Variants in MCPH1 observed in about 807,000 individuals in gnomAD.
MCPH1 encodes the protein microcephalin 1.
MCPH1 carries 104 observed loss-of-function variants against 84.5 expected under a neutral mutation model. The ratio of observed to expected loss-of-function variants is 1.23; its 90% confidence interval spans 1.05 to 1.45. The LOEUF (loss-of-function observed/expected upper bound fraction) is 1.45, where lower values mean the gene tolerates loss of function less well. Ranked by LOEUF, MCPH1 falls within the 40% of genes most tolerant of loss-of-function variation. The probability of loss-of-function intolerance (pLI) is 0.00; values close to 1 mark genes in which losing one functional copy is unlikely to be tolerated. For missense variants in MCPH1, 1,498 were observed against 1,005.7 expected (o/e 1.49, Z -6.62); for synonymous variants, 514 against 366.8 (o/e 1.40, Z -4.58).
At chr8:6,406,737 G>C (rs952095926) in intron 1 of MCPH1, 48 bp downstream of exon 1, 1 of 1,603,376 alleles carries the variant, frequency 6.2e-7, no homozygotes, top group Non-Finnish European at 8.5e-7. Flanking sequence ...TTTGAGGACC[G>C]GCACCCCTCG....
rs770040130 is a variant in MCPH1, at chr8:6,431,602, C to G, written c.321+16C>G. ...TAAAAAAAAAGTAAGTACATGATTT[C>G]AATGTAGATAATGGCAATTAGGAAT... On this transcript the variant is annotated intron_variant, in intron 4 of 13. Coordinates refer to ENST00000344683, the MANE Select transcript of MCPH1 (RefSeq NM_024596.5). 2 of 1,500,398 alleles carry G rather than the reference C, an allele frequency of 1.3e-6. No individual in the cohort carries two copies. Among genetic ancestry groups the G allele is most frequent in the Non-Finnish European group, 9.2e-7 (1 of 1,081,916 alleles). The allele number at this position is 1,500,398 out of a possible 1,614,324, so 92.9% of individuals were successfully genotyped here.
At chr8:6,416,057 G>A (rs1799243626) in intron 3 of MCPH1, among the ~76,000 whole-genome samples, 1 of 152,082 alleles carries the variant, frequency 6.6e-6, no homozygotes, top group African/African-American at 2.4e-5. Context: ...ATTTTCATGT[G>A]AATGAAATTG....
intron 12 of MCPH1, among the ~76,000 whole-genome samples, chr8:6,596,313 C>A (rs1283654244): frequency 2.0e-5 from 3 of 152,180 alleles, no homozygotes; most frequent in East Asian, 3.9e-4. Context: ...CTCTGGCGTT[C>A]TTCTTAGACT....
At chr8:6,499,738 A>G in intron 11 of MCPH1, 114 bp from the exon 12 acceptor site, 2 of 844,112 alleles carry the variant, frequency 2.4e-6, no homozygotes, top group South Asian at 2.7e-5. Flanking sequence ...GAACACATCT[A>G]TTTCAGATCT....
At chr8:6,534,558 C>G (rs1336618753) in intron 12 of MCPH1, among the ~76,000 whole-genome samples, 3 of 152,170 alleles carry the variant, frequency 2.0e-5, no homozygotes, top group African/African-American at 7.2e-5. Context: ...CGTGAGCCAG[C>G]ACATCTGGCT....
intron 11 of MCPH1, among the ~76,000 whole-genome samples, chr8:6,497,309 C>A (rs1211325058): frequency 2.7e-5 from 4 of 146,794 alleles, no homozygotes; most frequent in African/African-American, 1.0e-4. Context: ...TGTGAAACCC[C>A]ATTCTCTACC....
intron 12 of MCPH1, chr8:6,519,778 GGA>G: frequency 6.7e-7 from 1 of 1,502,878 alleles, no homozygotes. Flanking sequence ...AGATCTTTGG[GGA>G]GAGACTTCTG....
intron 12 of MCPH1, among the ~76,000 whole-genome samples, chr8:6,568,648 A>C (rs1826414906): frequency 6.6e-6 from 1 of 152,194 alleles, no homozygotes. Flanking sequence ...TGAAAAACAC[A>C]TGGAAAGGGC....
At chr8:6,587,856 C>G (rs1296368205) in intron 12 of MCPH1, among the ~76,000 whole-genome samples, 1 of 152,212 alleles carries the variant, frequency 6.6e-6, no homozygotes, top group Non-Finnish European at 1.5e-5. Flanking sequence ...TACTTCCCCT[C>G]CTGACTCTAT....
At chr8:6,500,229 A>G in intron 12 of MCPH1, 1 of 386,402 alleles carries the variant, frequency 2.6e-6, no homozygotes, top group Non-Finnish European at 4.9e-6. Context: ...AGGTAGTCTT[A>G]TATCTTGCTT....
intron 3 of MCPH1, among the ~76,000 whole-genome samples, chr8:6,430,215 T>C (rs1801638151): frequency 6.6e-6 from 1 of 152,232 alleles, no homozygotes; most frequent in South Asian, 2.1e-4. Flanking sequence ...TTACAATTAC[T>C]GCACTGTGTT....
At chr8:6,610,089 T>C (rs533154885) in intron 12 of MCPH1, among the ~76,000 whole-genome samples, 69 of 152,318 alleles carry the variant, frequency 4.5e-4, no homozygotes, top group African/African-American at 1.6e-3. Flanking sequence ...ACCCTCTAAG[T>C]CATGTTCGCT....
intron 12 of MCPH1, among the ~76,000 whole-genome samples, chr8:6,606,869 C>G (rs1012817648): frequency 4.6e-5 from 7 of 152,202 alleles, no homozygotes; most frequent in African/African-American, 1.7e-4. Flanking sequence ...CCTGCACAAG[C>G]TCTCTTCTCT....
chr8:6,568,931 TAAAA>T, intron 12 of MCPH1, among the ~76,000 whole-genome samples: 1 of 152,278 alleles, frequency 6.6e-6, no homozygotes, highest in Non-Finnish European at 1.5e-5. Context: ...TGAAACAGTC[TAAAA>T]AAATGAAGCT....
rs552998620 is a variant in MCPH1, at chr8:6,621,801, G to A, written c.2452+110G>A. On this transcript the variant is annotated intron_variant, in intron 13 of 13. Coordinates refer to ENST00000344683, the MANE Select transcript of MCPH1 (RefSeq NM_024596.5). ...CCTTCCACGCAGCTGGGGCACCTGG[G>A]TTGATGTCTCAGCCTCCAGCATCTG... 10 of 1,444,974 alleles carry A rather than the reference G, an allele frequency of 6.9e-6. No individual in the cohort carries two copies. The Admixed American group carries it at 1.0e-4, about 15-fold the overall frequency. The allele number at this position is 1,444,974 out of a possible 1,614,324, so 89.5% of individuals were successfully genotyped here. A position where few individuals can be genotyped will look rare whatever the true frequency, so the allele number is the denominator to read the frequency against.
At chr8:6,609,687 A>G (rs932086599) in intron 12 of MCPH1, among the ~76,000 whole-genome samples, 3 of 152,222 alleles carry the variant, frequency 2.0e-5, no homozygotes, top group Middle Eastern at 3.2e-3. Flanking sequence ...TTTTGCATAA[A>G]ATAAGAATTT....
intron 13 of MCPH1, chr8:6,622,325 C>T (rs149600227): frequency 4.4e-5 from 7 of 158,614 alleles, no homozygotes; most frequent in South Asian, 1.9e-4. Flanking sequence ...TGGAACCCCA[C>T]GCCGTGCTAA....
At chr8:6,436,628 T>G (rs897626558) in intron 5 of MCPH1, among the ~76,000 whole-genome samples, 2 of 151,172 alleles carry the variant, frequency 1.3e-5, no homozygotes, top group South Asian at 2.1e-4. Context: ...TAGAAAAAAA[T>G]ATATGTATTC....
At chr8:6,409,536 A>C (rs774599239) in intron 2 of MCPH1, among the ~76,000 whole-genome samples, 166 bp downstream of exon 2, 1 of 152,140 alleles carries the variant, frequency 6.6e-6, no homozygotes, top group African/African-American at 2.4e-5. Flanking sequence ...GAACAGTAGG[A>C]CTTTCAGAAC....
Sources: allele counts gnomAD v4.1 joint callset (sites outside exome capture counted in the v4.1 genomes callset), GRCh38; gene constraint gnomAD v4.1.1; transcripts MANE v1.5; gene names NCBI Gene and HGNC (gene_info 2026-07-23, HGNC 2026-07-21).